MAD1L1: variants seen among roughly 807,000 people sequenced by gnomAD.
MAD1L1 encodes the protein mitotic spindle assembly checkpoint protein MAD1.
MAD1L1 carries 95 observed loss-of-function variants against 96.9 expected under a neutral mutation model. The ratio of observed to expected loss-of-function variants is 0.98; its 90% confidence interval spans 0.83 to 1.16. The LOEUF (loss-of-function observed/expected upper bound fraction) is 1.16, where lower values mean the gene tolerates loss of function less well. Among genes scored for constraint, MAD1L1 ranks in the 50% most tolerant of loss-of-function variants. MAD1L1 has a pLI of 0.00. For synonymous variants in MAD1L1, 473 were observed against 396.6 expected, an observed-to-expected ratio of 1.19 and a Z score of -2.29; for missense variants, 1,007 against 954.4, an observed-to-expected ratio of 1.06 and a Z score of -0.73.
intron 12 of MAD1L1, among the ~76,000 whole-genome samples, chr7:2,051,586 G>T (rs993105971): frequency 9.9e-5 from 15 of 152,084 alleles, no homozygotes; most frequent in Non-Finnish European, 2.2e-4. Context: ...AACCGCACAT[G>T]AAGACTGGGC....
At chr7:1,895,225 G>C (rs1039778785) in intron 18 of MAD1L1, among the ~76,000 whole-genome samples, 1 of 152,244 alleles carries the variant, frequency 6.6e-6, no homozygotes, top group Non-Finnish European at 1.5e-5. Flanking sequence ...TCACTGCTCA[G>C]AAATGAAACC....
intron 5 of MAD1L1, chr7:2,220,758 T>C (rs1232480154): frequency 1.2e-5 from 13 of 1,058,240 alleles, no homozygotes; most frequent in East Asian, 5.4e-5. Context: ...GCCCACAATA[T>C]GTACGGTTTA....
At chr7:2,080,431 G>T (rs901768685) in intron 11 of MAD1L1, among the ~76,000 whole-genome samples, 1 of 152,186 alleles carries the variant, frequency 6.6e-6, no homozygotes, top group Non-Finnish European at 1.5e-5. Flanking sequence ...CCCCACAAGA[G>T]AGCAAGCTCC....
rs2128462244 is a variant in MAD1L1 at position 1,933,695 on chromosome 7, C to T, written c.1807+2992G>A. 2.0e-5 allele frequency among the ~76,000 whole-genome samples: 3 copies of T among 152,338 alleles called. 1 individual carries two copies. The South Asian group carries it at 6.2e-4, about 32-fold the overall frequency. On this transcript the variant is annotated intron_variant, in intron 17 of 18. Transcript: ENST00000265854. ...GACCTGGGTACTGCACTTTAAGTAT[C>T]ACTGCTCCAAGAATAAACTGCTGGC...
At chr7:1,935,485 G>A (rs554977943) in intron 17 of MAD1L1, among the ~76,000 whole-genome samples, 30 of 152,338 alleles carry the variant, frequency 2.0e-4, no homozygotes, top group South Asian at 1.4e-3. Context: ...CCTACCTGCC[G>A]GCAGGGTGCG....
At chr7:1,893,863 G>A (rs565166827) in intron 18 of MAD1L1, among the ~76,000 whole-genome samples, 6 of 152,336 alleles carry the variant, frequency 3.9e-5, no homozygotes, top group African/African-American at 1.4e-4. Flanking sequence ...GGACAGTGGA[G>A]ACCAGGGCCA....
chr7:1,851,928 G>A (rs973312946), intron 18 of MAD1L1, among the ~76,000 whole-genome samples: 2 of 152,222 alleles, frequency 1.3e-5, no homozygotes, highest in Admixed American at 1.3e-4. Context: ...ACAATGGGTG[G>A]GACCAATGGT....
At chr7:1,937,217 C>T (rs1176933195) in intron 16 of MAD1L1, among the ~76,000 whole-genome samples, 2 of 152,204 alleles carry the variant, frequency 1.3e-5, no homozygotes, top group Admixed American at 6.5e-5. Flanking sequence ...GAATTCCACA[C>T]TCAGTGCCCG....
At chr7:1,907,706 G>A (rs34302027) in intron 17 of MAD1L1, among the ~76,000 whole-genome samples, 52,262 of 152,156 alleles carry the variant, frequency 0.34, 9,080 homozygotes, top group Middle Eastern at 0.41. Context: ...CCGGGTCAGT[G>A]AGACAGTGGA....
intron 4 of MAD1L1, among the ~76,000 whole-genome samples, chr7:2,223,958 T>G (rs959864521): frequency 6.6e-6 from 1 of 152,126 alleles, no homozygotes; most frequent in African/African-American, 2.4e-5. Flanking sequence ...GACAGTCCTG[T>G]TAGAAGGTGG....
At chr7:1,967,856 G>A (rs528967461) in intron 15 of MAD1L1, among the ~76,000 whole-genome samples, 2 of 148,532 alleles carry the variant, frequency 1.3e-5, no homozygotes, top group South Asian at 4.1e-4. Flanking sequence ...CACACTGCTG[G>A]CAATAAACAA....
chr7:1,951,291 G>A (rs1253883616), intron 16 of MAD1L1, among the ~76,000 whole-genome samples: 1 of 152,248 alleles, frequency 6.6e-6, no homozygotes, highest in African/African-American at 2.4e-5. Context: ...GTGGATGAAG[G>A]GCCTGAGGAA....
At chr7:2,164,653 A>G (rs1205316654) in intron 10 of MAD1L1, among the ~76,000 whole-genome samples, 6 of 152,156 alleles carry the variant, frequency 3.9e-5, no homozygotes, top group African/African-American at 1.4e-4. Context: ...GTTGCACCAA[A>G]AAAAAATCAA....
At chr7:1,960,221 T>C (rs1397890375) in intron 15 of MAD1L1, among the ~76,000 whole-genome samples, 1 of 114,396 alleles carries the variant, frequency 8.7e-6, no homozygotes, top group Non-Finnish European at 1.9e-5. Flanking sequence ...ATCAGAAAAA[T>C]ACCAAAGTGG....
At chr7:2,078,953 G>C (rs1785504955) in intron 11 of MAD1L1, among the ~76,000 whole-genome samples, 1 of 152,228 alleles carries the variant, frequency 6.6e-6, no homozygotes, top group Non-Finnish European at 1.5e-5. Flanking sequence ...CATAGGGCTG[G>C]GGGGAGATGC....
chr7:1,840,247 G>C (rs1349100568), intron 18 of MAD1L1, among the ~76,000 whole-genome samples: 1 of 152,208 alleles, frequency 6.6e-6, no homozygotes, highest in Admixed American at 6.5e-5. Context: ...GAGATCCTGA[G>C]GCCAGAAACA....
chr7:2,221,060 G>T, intron 5 of MAD1L1: 2 of 1,601,348 alleles, frequency 1.2e-6, no homozygotes, highest in Non-Finnish European at 1.7e-6. Flanking sequence ...TAGTGCGCAG[G>T]GAGGGCTTCC....
intron 11 of MAD1L1, among the ~76,000 whole-genome samples, chr7:2,099,078 C>T (rs1386321392): frequency 1.3e-5 from 2 of 152,190 alleles, no homozygotes; most frequent in African/African-American, 2.4e-5. Flanking sequence ...CACAAGTGAC[C>T]CCAGTGCACG....
Position 2,115,867 on chromosome 7 carries a change from A to G in MAD1L1, c.1073+33285T>C, listed in dbSNP as rs1787662080. Among the ~76,000 whole-genome samples the G allele has an allele frequency of 1.3e-5, 2 of 152,236 alleles. 1 individual carries two copies. Among genetic ancestry groups the G allele is most frequent in the South Asian group, 4.1e-4 (2 of 4,836 alleles). On this transcript the variant is annotated intron_variant, in intron 11 of 18. Transcript: ENST00000265854. ...GCGGGCCCTGCGGGAAGAAGCTCTC[A>G]GAGCAGGGCGGGCTGTCCCACTTCC...
Sources: allele counts gnomAD v4.1 joint callset (sites outside exome capture counted in the v4.1 genomes callset), GRCh38; gene constraint gnomAD v4.1.1; transcripts MANE v1.5; gene names NCBI Gene and HGNC (gene_info 2026-07-23, HGNC 2026-07-21).